Variants in SLC25A3 observed in about 807,000 individuals in gnomAD.
The protein encoded by SLC25A3 is solute carrier family 25 member 3.
Under a neutral mutation model 37.1 loss-of-function variants are expected in SLC25A3, and 14 were observed. That is an observed-to-expected ratio of 0.38 (90% CI 0.25 to 0.59). The LOEUF is 0.59. SLC25A3 is among the 20% of genes least tolerant of loss of function. SLC25A3 has a pLI of 0.67. For missense variants in SLC25A3, 385 were observed against 458.1 expected (o/e 0.84, Z 1.46); for synonymous variants, 161 against 168.7 (o/e 0.95, Z 0.36).
chr12:98,594,490 A>G, intron 2 of SLC25A3: 2 of 627,588 alleles, frequency 3.2e-6, no homozygotes, highest in South Asian at 1.8e-5. Flanking sequence ...CCACAGTTCT[A>G]CTAACTATAT....
chr12:98,593,951 A>T, intron 1 of SLC25A3, 24 bp from the exon 2 acceptor site: 1 of 1,613,620 alleles, frequency 6.2e-7, no homozygotes, highest in Non-Finnish European at 8.5e-7. Context: ...CCTGTCCTCT[A>T]ACCGTCGCTC....
At chr12:98,597,568 TG>T (rs2097594033) in intron 3 of SLC25A3, 1 of 369,544 alleles carries the variant, frequency 2.7e-6, no homozygotes, top group Admixed American at 4.0e-5. Context: ...GGATTACAGG[TG>T]CACGCCACCA....
At chr12:98,599,919 A>T (rs761373983) in intron 5 of SLC25A3, 36 bp from the exon 6 acceptor site, 1 of 1,611,796 alleles carries the variant, frequency 6.2e-7, no homozygotes. Context: ...AGATGAGTGT[A>T]TGCAACTGTG....
intron 6 of SLC25A3, 187 bp from the exon 7 acceptor site, chr12:98,600,984 A>C (rs1013549306): frequency 1.7e-6 from 1 of 594,308 alleles, no homozygotes. Context: ...ATAAAATCTG[A>C]AAAACTTTAA....
intron 2 of SLC25A3, chr12:98,595,289 A>AT (rs1280647456): frequency 2.3e-4 from 185 of 790,376 alleles, no homozygotes; most frequent in Middle Eastern, 3.7e-4. Flanking sequence ...TTGGCAGTGA[A>AT]TTTTTTTTTA....
Position 98,604,263 on chromosome 12 carries a change from A to AATATATATAT in SLC25A3, c.*2750_*2759dup, listed in dbSNP as rs71436922. On this transcript the variant is annotated 3_prime_UTR_variant, in exon 8 of 8. Coordinates refer to ENST00000552981, the MANE Select transcript of SLC25A3 (RefSeq NM_002635.4). Reference sequence around the variant, plus strand: ...GCGAAACTCTGTCTCAAAAAAAAAAAATATATATATATATATATATATATG... The same window carrying AATATATATAT: ...GCGAAACTCTGTCTCAAAAAAAAAAAATATATATATATATATATATATATATATATATATG... 3 of 134,592 alleles carry AATATATATAT rather than the reference A, an allele frequency of 2.2e-5. No individual in the cohort carries two copies. Among genetic ancestry groups the AATATATATAT allele is most frequent in the African/African-American group, 2.9e-5 (1 of 34,844 alleles). 8.3% of individuals were successfully genotyped at this position (134,592 alleles called of 1,614,324 possible).
At position 98,601,556 on chromosome 12, in the gene SLC25A3, C is replaced by A. The variant is rs370373809; in HGVS notation, c.*28C>A. 92 of 1,416,664 alleles carry A rather than the reference C, an allele frequency of 6.5e-5. No individual in the cohort carries two copies. Among genetic ancestry groups the A allele is most frequent in the Non-Finnish European group, 9.0e-5 (90 of 1,000,116 alleles). 87.8% of individuals were successfully genotyped at this position (1,416,664 alleles called of 1,614,324 possible). ...AGATCAAAGCAAATGTGGACTGAAT[C>A]TGCTTGTTGATCAGTGTTGAAGAAA... is the stretch of plus-strand genomic sequence containing the variant. On this transcript the variant is annotated 3_prime_UTR_variant, in exon 8 of 8. Transcript: ENST00000552981.
At position 98,594,268 on chromosome 12, in the gene SLC25A3, C is replaced by G. The variant is rs2097591100; in HGVS notation, c.157+133C>G. 3.8e-6 allele frequency: 3 copies of G among 792,780 alleles called. No individual in the cohort carries two copies. The East Asian group carries it at 8.0e-5, about 21-fold the overall frequency. 49.1% of individuals were successfully genotyped at this position (792,780 alleles called of 1,614,324 possible). ...TGCACCGTAGGACGGCGCCCAGTTG[C>G]TTGCCCTGGGGTATCGGCCTTTTCC... is the stretch of plus-strand genomic sequence containing the variant. On this transcript the variant is annotated intron_variant, in intron 2 of 7. Coordinates refer to ENST00000552981, the MANE Select transcript of SLC25A3 (RefSeq NM_002635.4).
intron 3 of SLC25A3, 145 bp from the exon 4 acceptor site, chr12:98,597,711 A>G: frequency 8.7e-7 from 1 of 1,155,024 alleles, no homozygotes; most frequent in Non-Finnish European, 1.2e-6. Context: ...GATGTGAGCC[A>G]CCGTGCCTGG....
intron 2 of SLC25A3, 104 bp downstream of exon 2, chr12:98,594,239 C>T (rs759920561): frequency 1.0e-6 from 1 of 975,956 alleles, no homozygotes; most frequent in Non-Finnish European, 1.6e-6. Context: ...CGAGTCCAGC[C>T]CGCTGCACCG....
rs750003586 is a variant in SLC25A3 at position 98,595,554 on chromosome 12, G to T, written c.158-173G>T. 38 of 1,614,044 alleles carry T rather than the reference G, an allele frequency of 2.4e-5. No homozygotes were observed. The highest frequency in any genetic ancestry group is 1.6e-4 in the Middle Eastern group (1 of 6,084). On this transcript the variant is annotated intron_variant, in intron 2 of 7. Coordinates refer to ENST00000552981, the MANE Select transcript of SLC25A3 (RefSeq NM_002635.4). ...CTCTAGATCTGGTTAAATGCAGAAT[G>T]CAGGTTTGTTTTGCATGCTGGACTA...
Position 98,593,696 on chromosome 12 carries a change from C to T in SLC25A3, c.-49C>T, listed in dbSNP as rs2097590334. The T allele has an allele frequency of 1.9e-6, 1 of 530,160 alleles. No individual in the cohort carries two copies. The highest frequency in any genetic ancestry group is 3.4e-5 in the East Asian group (1 of 29,850). 32.8% of individuals were successfully genotyped at this position (530,160 alleles called of 1,614,324 possible). A position where few individuals can be genotyped will look rare whatever the true frequency, so the allele number is the denominator to read the frequency against. ...CGGAGGACGTCCGGCCTCTGTGAGC[C>T]GCAACCTTTCCAAGGGAGTGGTTGT... is the stretch of plus-strand genomic sequence containing the variant. On this transcript the variant is annotated 5_prime_UTR_variant, in exon 1 of 8. Coordinates refer to ENST00000552981, the MANE Select transcript of SLC25A3 (RefSeq NM_002635.4).
Position 98,598,722 on chromosome 12 carries a change from A to C in SLC25A3, c.641+19A>C. 6.3e-7 allele frequency: 1 copy of C among 1,598,784 alleles called. No individual in the cohort carries two copies. Among genetic ancestry groups the C allele is most frequent in the South Asian group, 1.1e-5 (1 of 90,486 alleles). The stretch of plus-strand genomic sequence containing the variant: ...TAAAAGCGTAAGTAAACACTTAAAA[A>C]TTTATACTATGAAAGTACTTATTTT... On this transcript the variant is annotated intron_variant, in intron 5 of 7. Coordinates refer to ENST00000552981, the MANE Select transcript of SLC25A3 (RefSeq NM_002635.4).
intron 3 of SLC25A3, 106 bp from the exon 4 acceptor site, chr12:98,597,750 A>C: frequency 6.7e-7 from 1 of 1,485,532 alleles, no homozygotes; most frequent in South Asian, 1.2e-5. Flanking sequence ...CCTTTTGTGT[A>C]GTTGCTGAAA....
Position 98,602,099 on chromosome 12 carries a change from A to C in SLC25A3, c.*571A>C, listed in dbSNP as rs2097598360. On this transcript the variant is annotated 3_prime_UTR_variant, in exon 8 of 8. Transcript: ENST00000552981. ...AAATTAGGCTGATTCTTAGAATGAC[A>C]GTAAAGGACCAAAGTGATTGACAGC... is the stretch of plus-strand genomic sequence containing the variant. 1 of 158,634 alleles carries C rather than the reference A, an allele frequency of 6.3e-6. No homozygotes were observed. Among genetic ancestry groups the C allele is most frequent in the Admixed American group, 6.2e-5 (1 of 16,078 alleles). 9.8% of individuals were successfully genotyped at this position (158,634 alleles called of 1,614,324 possible). A position where few individuals can be genotyped will look rare whatever the true frequency, so the allele number is the denominator to read the frequency against.
At chr12:98,595,254 C>G (rs1417503687) in intron 2 of SLC25A3, 3 of 633,232 alleles carry the variant, frequency 4.7e-6, no homozygotes, top group Non-Finnish European at 8.3e-6. Flanking sequence ...ATACAGAACC[C>G]TCATAATTTT....
In SLC25A3 at chr12:98,594,088, C is replaced by T; in HGVS notation, c.110C>T (p.Thr37Met). The T allele has an allele frequency of 1.9e-6, 3 of 1,611,650 alleles. No individual in the cohort carries two copies. Among genetic ancestry groups the T allele is most frequent in the Non-Finnish European group, 2.5e-6 (3 of 1,179,260 alleles). Reference sequence around the variant, plus strand: ...CTCCGCAGCAGCTCCCCAGGGCCCACGGGCCAGCCCCGCCGCCCTCGCAAC... The same window carrying T: ...CTCCGCAGCAGCTCCCCAGGGCCCATGGGCCAGCCCCGCCGCCCTCGCAAC... ...GDLRSSSPGP[T>M]GQPRRPRNLA... is the part of the protein sequence containing the mutation. The change falls in exon 2 of 8, where the codon ACG (threonine) becomes ATG (methionine). Residue 37 changes from threonine to methionine, a missense_variant. By Grantham distance (81) the Thr-to-Met change is moderately conservative. Around this residue, in one of 2 missense-constraint regions of SLC25A3, gnomAD observed 109 missense variants for 90.5 expected, o/e 1.20. Coordinates refer to ENST00000552981, the MANE Select transcript of SLC25A3 (RefSeq NM_002635.4).
rs749121975 is a variant in SLC25A3 at position 98,597,867 on chromosome 12, A to G, written c.291A>G (p.Gln97=). 9 of 1,613,914 alleles carry G rather than the reference A, an allele frequency of 5.6e-6. No homozygotes were observed. In the Admixed American group the frequency reaches 1.3e-4, roughly 24 times the overall value. The change falls in exon 4 of 8, where the codon CAA becomes CAG. Residue 97 remains glutamine, a synonymous_variant. Transcript: ENST00000552981. The part of the protein sequence containing the change: ...LVKCRMQVDP[Q]KYKGIFNGFS... ...TGTTTTAAATAAAGGTGGACCCCCA[A>G]AAGTACAAGGGCATATTTAACGGAT...
chr12:98,598,486 G>A lies in SLC25A3; in HGVS notation c.460-36G>A, dbSNP rs117230192. The stretch of plus-strand genomic sequence containing the variant: ...ACTTCAATTGAAAACCAACACAACA[G>A]CAATTCACATCCCTTCCTTGTGTTT... On this transcript the variant is annotated intron_variant, in intron 4 of 7. Transcript: ENST00000552981. 0.016 allele frequency: 25,289 copies of A among 1,611,482 alleles called. 259 individuals are homozygous for A. Among genetic ancestry groups the A allele is most frequent in the Non-Finnish European group, 0.019 (22,983 of 1,179,372 alleles).
Sources: allele counts gnomAD v4.1 joint callset, GRCh38; gene constraint gnomAD v4.1.1; regional missense constraint gnomAD v4.1.1; transcripts MANE v1.5; gene names NCBI Gene and HGNC (gene_info 2026-07-23, HGNC 2026-07-21).